Variants in NYAP2 observed in about 807,000 individuals in gnomAD.
NYAP2 encodes neuronal tyrosine-phosphorylated phosphoinositide-3-kinase adaptor 2.
In NYAP2, 23 loss-of-function variants were observed where a neutral mutation model predicts 50.4. The observed-to-expected ratio is 0.46, with a 90% confidence interval of 0.33 to 0.65. NYAP2 has a LOEUF of 0.65. Ranked by LOEUF, NYAP2 falls within the 30% of genes least tolerant of loss-of-function variation. The pLI, the probability that NYAP2 is intolerant of heterozygous loss-of-function variation, is 0.02. For missense variants in NYAP2, 885 were observed against 861.0 expected, an observed-to-expected ratio of 1.03 and a Z score of -0.35; for synonymous variants, 394 against 365.2, an observed-to-expected ratio of 1.08 and a Z score of -0.90.
intron 5 of NYAP2, among the ~76,000 whole-genome samples, chr2:225,604,722 T>C (rs538462091): frequency 3.9e-5 from 6 of 152,118 alleles, no homozygotes; most frequent in East Asian, 1.9e-4. Context: ...TATATTTTTT[T>C]CCCCAGGAAT....
chr2:225,552,123 T>G (rs998194305), intron 4 of NYAP2, among the ~76,000 whole-genome samples: 4 of 152,146 alleles, frequency 2.6e-5, no homozygotes, highest in Admixed American at 1.3e-4. Flanking sequence ...CTTCTTTCTT[T>G]TTGATTCATT....
chr2:225,446,887 G>A (rs1417328226), intron 3 of NYAP2, among the ~76,000 whole-genome samples: 3 of 151,932 alleles, frequency 2.0e-5, no homozygotes, highest in South Asian at 2.1e-4. Context: ...AGATCAGCAC[G>A]GAGTCAGCTC....
rs183087409 is a variant in NYAP2 at position 225,622,427 on chromosome 2, T to A, written c.1619-4490T>A. ...CCTGCCCCCAGCTAGAGATGCAAATTATTTCTATTTGGTAGAAAGATGACT... is the reference window on the plus strand; with the variant it reads ...CCTGCCCCCAGCTAGAGATGCAAATAATTTCTATTTGGTAGAAAGATGACT... On this transcript the variant is annotated intron_variant, in intron 5 of 6. Coordinates refer to ENST00000636099, the Ensembl canonical transcript of NYAP2. Among the ~76,000 whole-genome samples, 343 of 152,312 alleles carry A rather than the reference T, an allele frequency of 2.3e-3. 6 individuals are homozygous for A. Among genetic ancestry groups the A allele is most frequent in the Admixed American group, 0.022 (336 of 15,294 alleles).
the NYAP2 span, among the ~76,000 whole-genome samples, chr2:225,665,436 C>G: frequency 6.6e-6 from 1 of 152,142 alleles, no homozygotes; most frequent in Non-Finnish European, 1.5e-5. Flanking sequence ...GGTCTCTCCC[C>G]TTCCTGTCCT....
intron 4 of NYAP2, among the ~76,000 whole-genome samples, chr2:225,580,628 T>C (rs914329417): frequency 2.0e-5 from 3 of 152,190 alleles, no homozygotes; most frequent in African/African-American, 7.2e-5. Flanking sequence ...AAATACATAG[T>C]CACTGCTAGA....
At chr2:225,628,924 A>G (rs1693263193) in intron 6 of NYAP2, among the ~76,000 whole-genome samples, 1 of 152,172 alleles carries the variant, frequency 6.6e-6, no homozygotes, top group Non-Finnish European at 1.5e-5. Flanking sequence ...CTAGAGCAAG[A>G]CAGACAAATA....
Position 225,651,049 on chromosome 2 carries a change from G to A in NYAP2, c.1829-383G>A, listed in dbSNP as rs980364159. Among the ~76,000 whole-genome samples, 6 of 152,348 alleles carry A rather than the reference G, an allele frequency of 3.9e-5. No homozygotes were observed. The South Asian group carries it at 6.2e-4, about 16-fold the overall frequency. On this transcript the variant is annotated intron_variant, in intron 6 of 6. Coordinates refer to ENST00000636099, the Ensembl canonical transcript of NYAP2. ...CAGAACATTTGGAGAAGGGATAGAA[G>A]ACATTTTAGGACACAGAAATCCTAC...
chr2:225,418,765 A>T (rs552771968), intron 3 of NYAP2, among the ~76,000 whole-genome samples: 164 of 152,344 alleles, frequency 1.1e-3, no homozygotes, highest in African/African-American at 3.8e-3. Context: ...AAATGTTAAC[A>T]CTTTTATAAA....
At chr2:225,586,811 A>G (rs1692396698) in intron 5 of NYAP2, among the ~76,000 whole-genome samples, 2 of 152,184 alleles carry the variant, frequency 1.3e-5, no homozygotes, top group Non-Finnish European at 2.9e-5. Flanking sequence ...TATTCCCTCA[A>G]ACAAGAAATA....
chr2:225,621,505 G>A (rs191169645), intron 5 of NYAP2, among the ~76,000 whole-genome samples: 2 of 152,068 alleles, frequency 1.3e-5, no homozygotes, highest in African/African-American at 4.8e-5. Context: ...TATTAAGTAG[G>A]TACAGACCTT....
rs1223562732 is a variant in NYAP2 at position 225,467,522 on chromosome 2, C to G, written c.222-45849C>G. On this transcript the variant is annotated intron_variant, in intron 3 of 6. Coordinates refer to ENST00000636099, the Ensembl canonical transcript of NYAP2. Reference sequence around the variant, plus strand: ...AACAGTATAAACAAAACATTAGTCACCCAATCTACTTGGCCTTGCCCTTTT... The same window carrying G: ...AACAGTATAAACAAAACATTAGTCAGCCAATCTACTTGGCCTTGCCCTTTT... Among the ~76,000 whole-genome samples the G allele has an allele frequency of 2.6e-5, 4 of 152,254 alleles. No homozygotes were observed. In the East Asian group the frequency reaches 7.7e-4, roughly 29 times the overall value.
At chr2:225,514,592 A>G (rs1171085632) in intron 4 of NYAP2, among the ~76,000 whole-genome samples, 2 of 152,152 alleles carry the variant, frequency 1.3e-5, no homozygotes, top group Non-Finnish European at 1.5e-5. Flanking sequence ...TGCTAATCCT[A>G]TTCCTGAAAG....
chr2:225,539,451 T>C (rs1450510122), intron 4 of NYAP2, among the ~76,000 whole-genome samples: 1 of 152,232 alleles, frequency 6.6e-6, no homozygotes, highest in East Asian at 1.9e-4. Flanking sequence ...AACTAATTTA[T>C]ACTCCCATTA....
At chr2:225,597,353 T>A (rs1428107988) in intron 5 of NYAP2, among the ~76,000 whole-genome samples, 1 of 150,980 alleles carries the variant, frequency 6.6e-6, no homozygotes, top group Non-Finnish European at 1.5e-5. Flanking sequence ...TGCCTTTGCA[T>A]CCTCATAGCT....
the NYAP2 span, among the ~76,000 whole-genome samples, chr2:225,684,447 C>G: frequency 2.0e-5 from 3 of 150,832 alleles, no homozygotes; most frequent in African/African-American, 7.3e-5. Flanking sequence ...CAGGCTCTGT[C>G]AGCCTTACCT....
chr2:225,467,314 C>A (rs144894090), intron 3 of NYAP2, among the ~76,000 whole-genome samples: 102 of 152,256 alleles, frequency 6.7e-4, no homozygotes, highest in African/African-American at 2.3e-3. Context: ...TCAGGTTTTT[C>A]CTACCTATTG....
intron 3 of NYAP2, among the ~76,000 whole-genome samples, chr2:225,511,288 G>A (rs1690808967): frequency 7.0e-6 from 1 of 142,686 alleles, no homozygotes; most frequent in Admixed American, 7.2e-5. Context: ...ACTCTGTTTG[G>A]ATAAGCTTCT....
At chr2:225,554,359 C>T (rs1691736347) in intron 4 of NYAP2, among the ~76,000 whole-genome samples, 2 of 146,538 alleles carry the variant, frequency 1.4e-5, no homozygotes, top group Admixed American at 1.4e-4. Flanking sequence ...CTCATTCTGT[C>T]ACCCAAGCTG....
Position 225,554,385 on chromosome 2 carries a change from A to G in NYAP2, c.524-27556A>G, listed in dbSNP as rs567666817. On this transcript the variant is annotated intron_variant, in intron 4 of 6. Transcript: ENST00000636099. ...ACCCAAGCTGGAGTGCAATGGCACAATCTCAGCCCACTGAAACCTCTGCCT... is the reference window on the plus strand; with the variant it reads ...ACCCAAGCTGGAGTGCAATGGCACAGTCTCAGCCCACTGAAACCTCTGCCT... Among the ~76,000 whole-genome samples, 31 of 151,740 alleles carry G rather than the reference A, an allele frequency of 2.0e-4. 1 individual carries two copies. In the South Asian group the frequency reaches 2.1e-3, roughly 10 times the overall value.
Sources: gnomAD v4.1 joint callset for allele counts (sites outside exome capture counted in the v4.1 genomes callset) on GRCh38, gnomAD v4.1.1 for gene constraint, MANE v1.5 for transcripts, NCBI Gene and HGNC (gene_info 2026-07-23, HGNC 2026-07-21) for gene names.